The following SLC4A10 variants were observed in gnomAD, a reference collection of about 807,000 sequenced individuals.
SLC4A10 encodes solute carrier family 4 member 10, also known as sodium-driven chloride bicarbonate exchanger.
A neutral mutation model predicts 137.7 loss-of-function variants in SLC4A10; 42 were observed. That is an observed-to-expected ratio of 0.30 (90% CI 0.24 to 0.39). The LOEUF is 0.39. SLC4A10 is among the 10% of genes least tolerant of loss of function. The pLI is 1.00. For synonymous variants in SLC4A10, 474 were observed against 464.1 expected (o/e 1.02, Z -0.27); for missense variants, 925 against 1,355.0 (o/e 0.68, Z 4.98).
At chr2:161,703,969 C>T (rs2043385017) in intron 1 of SLC4A10, among the ~76,000 whole-genome samples, 2 of 151,638 alleles carry the variant, frequency 1.3e-5, no homozygotes, top group Non-Finnish European at 3.0e-5. Flanking sequence ...AATAGCTTTG[C>T]TGTACATTAT....
chr2:161,940,610 CTT>C (rs757293897), intron 15 of SLC4A10, among the ~76,000 whole-genome samples: 5 of 152,156 alleles, frequency 3.3e-5, no homozygotes, highest in Non-Finnish European at 7.3e-5. Context: ...AAGGAACTGA[CTT>C]TATTTGAAGC....
intron 6 of SLC4A10, among the ~76,000 whole-genome samples, chr2:161,863,579 G>A (rs898533022): frequency 3.3e-5 from 5 of 152,148 alleles, no homozygotes; most frequent in Non-Finnish European, 7.4e-5. Context: ...ATACATTATG[G>A]CTGATTCCGG....
intron 3 of SLC4A10, among the ~76,000 whole-genome samples, chr2:161,805,520 G>C (rs999236370): frequency 2.6e-5 from 4 of 152,202 alleles, no homozygotes; most frequent in African/African-American, 7.2e-5. Flanking sequence ...TTACTTCCTA[G>C]ATACAACTGG....
chr2:161,639,257 T>G (rs2034932465), intron 1 of SLC4A10, among the ~76,000 whole-genome samples: 1 of 151,982 alleles, frequency 6.6e-6, no homozygotes, highest in South Asian at 2.1e-4. Context: ...TGAGGGGAAA[T>G]TTTTCCAAAC....
intron 10 of SLC4A10, among the ~76,000 whole-genome samples, chr2:161,892,572 T>C (rs1184071550): frequency 6.6e-6 from 1 of 152,128 alleles, no homozygotes; most frequent in Non-Finnish European, 1.5e-5. Context: ...ATGATCATTA[T>C]TACTTAGCAG....
chr2:161,771,001 G>A lies in SLC4A10; in HGVS notation c.77G>A (p.Arg26Lys). The A allele has an allele frequency of 6.2e-7, 1 of 1,606,538 alleles. No individual in the cohort carries two copies. Among genetic ancestry groups the A allele is most frequent in the Non-Finnish European group, 8.5e-7 (1 of 1,176,026 alleles). The change falls in exon 2 of 27, where the codon AGA becomes AAA. Residue 26 changes from arginine to lysine, a missense_variant. Physicochemically the swap from Arg to Lys is conservative, Grantham distance 26. Around this residue, in one of 11 missense-constraint regions of SLC4A10, gnomAD observed 138 missense variants for 171.3 expected, o/e 0.81. Coordinates refer to ENST00000446997, the MANE Select transcript of SLC4A10 (RefSeq NM_001178015.2). The stretch of plus-strand genomic sequence containing the variant: ...AATGATGAAGAAGCAGTTGTGGATA[G>A]AGGTGGAACTCGTTCTATTCTCAAA... The part of the protein sequence containing the change: ...TRNDEEAVVD[R>K]GGTRSILKTH...
intron 1 of SLC4A10, among the ~76,000 whole-genome samples, chr2:161,692,170 T>C (rs1431109468): frequency 6.6e-6 from 1 of 152,102 alleles, no homozygotes; most frequent in African/African-American, 2.4e-5. Flanking sequence ...AGGAGGGACT[T>C]GTAAGCATAT....
chr2:161,749,642 T>A (rs1232311430), intron 1 of SLC4A10, among the ~76,000 whole-genome samples: 1 of 151,958 alleles, frequency 6.6e-6, no homozygotes, highest in African/African-American at 2.4e-5. Flanking sequence ...CTTTTTGATG[T>A]GTCACTGAGT....
chr2:161,683,851 C>T (rs764049688), intron 1 of SLC4A10, among the ~76,000 whole-genome samples: 54 of 152,054 alleles, frequency 3.6e-4, no homozygotes, highest in Non-Finnish European at 7.4e-4. Context: ...AAATGAAAAC[C>T]ACATTCCATT....
At chr2:161,962,761 T>C (rs1429628520) in intron 21 of SLC4A10, among the ~76,000 whole-genome samples, 1 of 152,102 alleles carries the variant, frequency 6.6e-6, no homozygotes, top group East Asian at 1.9e-4. Context: ...CCATAAGACA[T>C]AGAACACAGA....
intron 5 of SLC4A10, among the ~76,000 whole-genome samples, chr2:161,861,227 G>A (rs1404591083): frequency 6.6e-6 from 1 of 152,186 alleles, no homozygotes; most frequent in East Asian, 1.9e-4. Context: ...CTTTGCCAGT[G>A]ATTGGTTCAA....
At chr2:161,904,736 G>A (rs1487433100) in intron 13 of SLC4A10, 40 bp from the exon 14 acceptor site, 1 of 1,611,188 alleles carries the variant, frequency 6.2e-7, no homozygotes, top group Non-Finnish European at 8.5e-7. Flanking sequence ...ATGGCCTCCT[G>A]TACAGCTTAG....
At chr2:161,906,256 A>G (rs1391775499) in intron 15 of SLC4A10, among the ~76,000 whole-genome samples, 6 of 152,388 alleles carry the variant, frequency 3.9e-5, no homozygotes, top group African/African-American at 9.6e-5. Context: ...AAAGAAACAT[A>G]GTAATGAAAA....
chr2:161,763,254 C>G (rs571418961), intron 1 of SLC4A10, among the ~76,000 whole-genome samples: 1 of 151,892 alleles, frequency 6.6e-6, no homozygotes, highest in East Asian at 1.9e-4. Context: ...AAGTCGTGTA[C>G]GTAGGTTGCC....
chr2:161,644,066 A>ATT (rs774509322), intron 1 of SLC4A10, among the ~76,000 whole-genome samples: 18 of 60,874 alleles, frequency 3.0e-4, no homozygotes, highest in African/African-American at 8.4e-4. Context: ...CTGGCTTCTA[A>ATT]TCTTTTTTTT....
intron 1 of SLC4A10, among the ~76,000 whole-genome samples, chr2:161,710,962 T>G (rs1209576925): frequency 6.6e-6 from 1 of 151,822 alleles, no homozygotes; most frequent in East Asian, 1.9e-4. Context: ...CTACAATCAG[T>G]TTTAACTTAA....
At chr2:161,859,099 G>A (rs1010451532) in intron 5 of SLC4A10, among the ~76,000 whole-genome samples, 1 of 151,920 alleles carries the variant, frequency 6.6e-6, no homozygotes, top group Non-Finnish European at 1.5e-5. Context: ...TTAAGACAAT[G>A]GGTTTTCAAA....
intron 15 of SLC4A10, among the ~76,000 whole-genome samples, chr2:161,939,380 T>A (rs1692241693): frequency 6.6e-6 from 1 of 152,078 alleles, no homozygotes; most frequent in African/African-American, 2.4e-5. Context: ...TGTCCAGATT[T>A]AGCTAATTTT....
chr2:161,957,689 C>T (rs1477054153), intron 20 of SLC4A10, among the ~76,000 whole-genome samples: 1 of 152,212 alleles, frequency 6.6e-6, no homozygotes, highest in South Asian at 2.1e-4. Flanking sequence ...ACGCAGTTTT[C>T]CATTTTAAGT....
Sources: gnomAD v4.1 joint callset for allele counts (sites outside exome capture counted in the v4.1 genomes callset) on GRCh38, gnomAD v4.1.1 for gene constraint, gnomAD v4.1.1 regional missense constraint, MANE v1.5 for transcripts, NCBI Gene and HGNC (gene_info 2026-07-23, HGNC 2026-07-21) for gene names.